Variants in CDH23 observed in about 807,000 individuals in gnomAD.
CDH23 encodes cadherin related 23, also known as cadherin-23.
In CDH23, 189 loss-of-function variants were observed where a neutral mutation model predicts 317.1. The ratio of observed to expected loss-of-function variants is 0.60; its 90% CI spans 0.53 to 0.67. CDH23 has a LOEUF of 0.67. Among genes scored for constraint, CDH23 ranks in the 30% least tolerant of loss-of-function variants. The pLI, the probability that CDH23 is intolerant of heterozygous loss-of-function variation, is 0.00. For synonymous variants in CDH23, 1,839 were observed against 1,876.8 expected (o/e 0.98, Z 0.52); for missense variants, 4,401 against 4,592.4 (o/e 0.96, Z 1.20).
intron 9 of CDH23, among the ~76,000 whole-genome samples, chr10:71,584,425 G>A (rs10999900): frequency 3.1e-3 from 474 of 152,286 alleles, no homozygotes; most frequent in African/African-American, 0.011. Context: ...GAAGGACAGA[G>A]CCTTCCCTTG....
rs754796908 is a variant in CDH23 at position 71,740,965 on chromosome 10, G to A, written c.4617+15G>A. ...GTGTGAATGAGGTGAGGGCAGCCCC[G>A]GGGCCCATATAGCTGGACATACGGG... On this transcript the variant is annotated intron_variant, in intron 37 of 69. Transcript: ENST00000224721. 18 of 1,613,578 alleles carry A rather than the reference G, an allele frequency of 1.1e-5. No individual in the cohort carries two copies. The highest frequency in any genetic ancestry group is 4.0e-5 in the African/African-American group (3 of 74,914).
At chr10:71,424,378 C>T (rs377730136) in intron 1 of CDH23, among the ~76,000 whole-genome samples, 7 of 152,322 alleles carry the variant, frequency 4.6e-5, no homozygotes, top group East Asian at 3.9e-4. Context: ...TATTAACACG[C>T]GTAAAAACAA....
chr10:71,431,143 T>C (rs1223939945), intron 1 of CDH23, among the ~76,000 whole-genome samples: 1 of 152,206 alleles, frequency 6.6e-6, no homozygotes, highest in African/African-American at 2.4e-5. Flanking sequence ...TTTTTAGTTA[T>C]TTACTACGTC....
intron 11 of CDH23, chr10:71,622,878 A>G (rs911361074): frequency 4.6e-5 from 45 of 981,174 alleles, no homozygotes; most frequent in Non-Finnish European, 5.1e-5. Flanking sequence ...CTCAGCTGCC[A>G]GATTCTGGCT....
intron 36 of CDH23, among the ~76,000 whole-genome samples, chr10:71,740,427 G>C (rs1227054): frequency 6.6e-6 from 1 of 152,116 alleles, no homozygotes. Context: ...GACAGAGTGC[G>C]TGGGACAGAG....
At chr10:71,787,364 G>A (rs928169586) in intron 44 of CDH23, among the ~76,000 whole-genome samples, 1 of 147,652 alleles carries the variant, frequency 6.8e-6, no homozygotes, top group African/African-American at 2.5e-5. Context: ...TACAAGCACA[G>A]GTTTCTTAAC....
chr10:71,405,507 G>A (rs146452271), intron 1 of CDH23, among the ~76,000 whole-genome samples: 66 of 149,466 alleles, frequency 4.4e-4, no homozygotes, highest in African/African-American at 1.5e-3. Context: ...GTGCAATCTC[G>A]GCTCACTGCA....
intron 11 of CDH23, among the ~76,000 whole-genome samples, chr10:71,618,652 G>C (rs533824807): frequency 6.6e-5 from 10 of 152,098 alleles, no homozygotes; most frequent in Admixed American, 3.9e-4. Context: ...CACCGTCCTC[G>C]GGAGAGCCCT....
chr10:71,683,876 C>T (rs1279058584), intron 18 of CDH23, among the ~76,000 whole-genome samples: 1 of 152,062 alleles, frequency 6.6e-6, no homozygotes, highest in African/African-American at 2.4e-5. Context: ...AGGTCAGGAG[C>T]TTGAGACTAG....
chr10:71,510,066 C>T lies in CDH23; in HGVS notation c.146-16C>T, dbSNP rs1853871042. 1.9e-6 allele frequency: 3 copies of T among 1,613,982 alleles called. No homozygotes were observed. In the East Asian group the frequency reaches 6.7e-5, roughly 36 times the overall value. On this transcript the variant is annotated splice_polypyrimidine_tract_variant and intron_variant, in intron 3 of 69. Transcript: ENST00000224721. Reference sequence around the variant, plus strand: ...CTCTCTTATTTTCCCTCTGCTCTCTCCCTTGGCTACTCCAGGTTCTTCTGT... The same window carrying T: ...CTCTCTTATTTTCCCTCTGCTCTCTTCCTTGGCTACTCCAGGTTCTTCTGT...
rs1865145294 is a variant in CDH23 at position 71,690,467 on chromosome 10, G to A, written c.2060-1G>A. ...CTGCCCCCACCTTTTTCCCCCTGAA[G>A]GAGCCACGGTGCTGTTCCTGAATGC... On this transcript the variant is annotated splice_acceptor_variant, in intron 19 of 69. Coordinates refer to ENST00000224721, the MANE Select transcript of CDH23 (RefSeq NM_022124.6). LOFTEE classifies it high-confidence loss of function. 5 of 1,595,120 alleles carry A rather than the reference G, an allele frequency of 3.1e-6. No homozygotes were observed. The South Asian group carries it at 5.7e-5, about 18-fold the overall frequency.
At chr10:71,647,041 G>A (rs1862928520) in intron 14 of CDH23, 3 of 985,472 alleles carry the variant, frequency 3.0e-6, no homozygotes, top group Non-Finnish European at 3.6e-6. Flanking sequence ...GCTGCCCATG[G>A]CTGGACTTGC....
chr10:71,747,229 G>A (rs981490316), intron 38 of CDH23, among the ~76,000 whole-genome samples: 1 of 152,202 alleles, frequency 6.6e-6, no homozygotes, highest in African/African-American at 2.4e-5. Context: ...ATGCAAGCAA[G>A]AGGGGTGCAT....
In CDH23 at chr10:71,793,212, A is replaced by AT. The variant is rs1564796487; in HGVS notation, c.6285dup (p.Glu2096Ter). ...TCAGTCCTTCAAGTCACAGCCACAG[A>AT]TGAGGACAGTGGCCTCAATGGGGAG... On this transcript the variant is annotated frameshift_variant, in exon 48 of 70. Coordinates refer to ENST00000224721, the MANE Select transcript of CDH23 (RefSeq NM_022124.6). LOFTEE classifies it high-confidence loss of function. 6.2e-7 allele frequency: 1 copy of AT among 1,613,578 alleles called. No homozygotes were observed. The highest frequency in any genetic ancestry group is 8.5e-7 in the Non-Finnish European group (1 of 1,179,724).
chr10:71,670,697 A>G (rs1665699), intron 14 of CDH23, among the ~76,000 whole-genome samples: 143,111 of 152,204 alleles, frequency 0.94, 67,365 homozygotes, highest in East Asian at 1. Context: ...TAGGGTATGG[A>G]TCTGAAATTA....
At chr10:71,631,229 C>A (rs1236912167) in intron 11 of CDH23, among the ~76,000 whole-genome samples, 1 of 152,108 alleles carries the variant, frequency 6.6e-6, no homozygotes, top group African/African-American at 2.4e-5. Flanking sequence ...GGCAACAGAG[C>A]AAGACCCCAA....
intron 14 of CDH23, among the ~76,000 whole-genome samples, chr10:71,653,566 C>A (rs1416343025): frequency 6.6e-5 from 10 of 152,338 alleles, no homozygotes; most frequent in Middle Eastern, 3.4e-3. Context: ...TGGGGCAAAC[C>A]CCAGTTCCTC....
At chr10:71,519,869 G>C (rs76824675) in intron 6 of CDH23, among the ~76,000 whole-genome samples, 3,424 of 151,450 alleles carry the variant, frequency 0.023, 59 homozygotes, top group Non-Finnish European at 0.034. Flanking sequence ...GCTCACTGCA[G>C]CCTTAACCTC....
intron 1 of CDH23, among the ~76,000 whole-genome samples, chr10:71,425,409 A>AAGGAAGGAAGGAAGGAAGGAAGGAAGGG (rs1564571658): frequency 1.3e-5 from 2 of 149,900 alleles, no homozygotes; most frequent in Non-Finnish European, 3.0e-5. Flanking sequence ...GGAAGGAAGG[A>AAGGAAGGAAGGAAGGAAGGAAGGAAGGG]AGGAGGGAAG....
Sources: allele counts gnomAD v4.1 joint callset (sites outside exome capture counted in the v4.1 genomes callset), GRCh38; gene constraint gnomAD v4.1.1; transcripts MANE v1.5; gene names NCBI Gene and HGNC (gene_info 2026-07-23, HGNC 2026-07-21).